The following SPATA6L variants were observed in gnomAD, a reference collection of about 807,000 sequenced individuals.
The protein encoded by SPATA6L is spermatogenesis associated 6 like, also known as spermatogenesis associated 6-like protein.
A neutral mutation model predicts 49.2 loss-of-function variants in SPATA6L; 68 were observed. That is an observed-to-expected ratio of 1.38 (90% CI 1.14 to 1.69). SPATA6L has a LOEUF of 1.69. SPATA6L is among the 40% of genes most tolerant of loss of function. SPATA6L has a pLI of 0.00. For missense variants in SPATA6L, 668 were observed against 464.3 expected (o/e 1.44, Z -4.03); for synonymous variants, 198 against 165.7 (o/e 1.19, Z -1.50).
chr9:4,596,918 G>A (rs998711446), downstream of SPATA6L, among the ~76,000 whole-genome samples: 1 of 152,074 alleles, frequency 6.6e-6, no homozygotes, highest in Non-Finnish European at 1.5e-5. Context: ...AGAAATAGGG[G>A]GAGCAATGCT....
intron 3 of SPATA6L, among the ~76,000 whole-genome samples, chr9:4,652,241 A>G (rs534207177): frequency 2.0e-5 from 3 of 152,092 alleles, no homozygotes; most frequent in African/African-American, 7.2e-5. Flanking sequence ...ACAAACATGG[A>G]GAAACCCCGT....
At chr9:4,620,525 A>G (rs987154433) in intron 7 of SPATA6L, among the ~76,000 whole-genome samples, 1 of 152,248 alleles carries the variant, frequency 6.6e-6, no homozygotes, top group Non-Finnish European at 1.5e-5. Context: ...TCAACTGCAC[A>G]TTCAGGTTTG....
At chr9:4,643,592 G>A (rs1834544710) in intron 3 of SPATA6L, among the ~76,000 whole-genome samples, 1 of 152,108 alleles carries the variant, frequency 6.6e-6, no homozygotes, top group Non-Finnish European at 1.5e-5. Flanking sequence ...AAAATGACAA[G>A]TAAACTACAG....
At chr9:4,610,170 T>C (rs1826331176) in intron 9 of SPATA6L, among the ~76,000 whole-genome samples, 1 of 151,910 alleles carries the variant, frequency 6.6e-6, no homozygotes, top group Non-Finnish European at 1.5e-5. Flanking sequence ...TGGAAGAACA[T>C]TCCATGCTCA....
chr9:4,652,817 G>C (rs191764521), intron 3 of SPATA6L, among the ~76,000 whole-genome samples: 1 of 147,206 alleles, frequency 6.8e-6, no homozygotes, highest in African/African-American at 2.5e-5. Flanking sequence ...CTCCAGCCTA[G>C]GCAACAAGAG....
At chr9:4,636,911 C>T (rs937287516) in intron 3 of SPATA6L, among the ~76,000 whole-genome samples, 2 of 152,176 alleles carry the variant, frequency 1.3e-5, no homozygotes, top group African/African-American at 2.4e-5. Flanking sequence ...GCATGCTCTC[C>T]TGCATTACTG....
At chr9:4,658,950 CAA>C (rs34665368) in intron 2 of SPATA6L, among the ~76,000 whole-genome samples, 4,716 of 94,644 alleles carry the variant, frequency 0.05, 136 homozygotes, top group African/African-American at 0.11. Flanking sequence ...ACTCTGTCTC[CAA>C]AAAAAAAAAA....
chr9:4,618,997 C>T (rs555855916), intron 7 of SPATA6L, 99 bp from the exon 8 acceptor site: 2 of 1,078,760 alleles, frequency 1.9e-6, no homozygotes, highest in South Asian at 2.9e-5. Context: ...AAATTTTAGA[C>T]AATGAATTAA....
At chr9:4,647,445 A>G (rs1021598059) in intron 3 of SPATA6L, among the ~76,000 whole-genome samples, 9 of 152,088 alleles carry the variant, frequency 5.9e-5, no homozygotes, top group Non-Finnish European at 1.0e-4. Flanking sequence ...TACAAAAATT[A>G]GCCAGGCATG....
At chr9:4,593,451 A>C (rs1268298867), downstream of SPATA6L, among the ~76,000 whole-genome samples, 6 of 152,146 alleles carry the variant, frequency 3.9e-5, no homozygotes, top group Admixed American at 3.9e-4. Context: ...ACTCTCCCCA[A>C]AATCCCTTTC....
intron 3 of SPATA6L, among the ~76,000 whole-genome samples, chr9:4,647,098 G>C (rs145297900): frequency 6.0e-5 from 9 of 149,900 alleles, no homozygotes; most frequent in Admixed American, 6.0e-4. Context: ...CTCCTGAAAA[G>C]TATTGAAAAA....
chr9:4,663,433 C>G (rs932551259), intron 1 of SPATA6L: 8 of 711,746 alleles, frequency 1.1e-5, no homozygotes, highest in Non-Finnish European at 1.9e-5. Context: ...ACACACTGGC[C>G]ATTACTGAAC....
chr9:4,644,101 C>G (rs189786971), intron 3 of SPATA6L, among the ~76,000 whole-genome samples: 33 of 147,184 alleles, frequency 2.2e-4, no homozygotes, highest in Admixed American at 2.2e-3. Flanking sequence ...AAACCCAGCA[C>G]TTTGGGTGGC....
intron 3 of SPATA6L, among the ~76,000 whole-genome samples, chr9:4,641,407 A>C (rs768058774): frequency 1.5e-4 from 23 of 152,180 alleles, no homozygotes; most frequent in Non-Finnish European, 2.9e-4. Context: ...TAAAACATTA[A>C]AAATAAGAAA....
chr9:4,663,157 T>C, intron 1 of SPATA6L: 1 of 1,614,158 alleles, frequency 6.2e-7, no homozygotes, highest in South Asian at 1.1e-5. Context: ...GTCACCGACG[T>C]AGCTTTTGGC....
chr9:4,629,215 CT>C, intron 4 of SPATA6L, 47 bp from the exon 5 acceptor site: 1 of 1,305,106 alleles, frequency 7.7e-7, no homozygotes, highest in Non-Finnish European at 1.1e-6. Context: ...AGAAACAGTT[CT>C]TTAGCCATCT....
At chr9:4,659,018 T>G (rs1838974911) in intron 2 of SPATA6L, among the ~76,000 whole-genome samples, 1 of 151,810 alleles carries the variant, frequency 6.6e-6, no homozygotes. Context: ...AGAAAATTAT[T>G]GGGATGGGGG....
At chr9:4,626,429 C>T (rs779196812) in intron 5 of SPATA6L, 16 of 1,304,004 alleles carry the variant, frequency 1.2e-5, no homozygotes, top group African/African-American at 3.0e-5. Flanking sequence ...GTCCCACCTT[C>T]GAATTCCTGA....
At chr9:4,617,030 T>C (rs928145266) in intron 9 of SPATA6L, among the ~76,000 whole-genome samples, 1 of 152,234 alleles carries the variant, frequency 6.6e-6, no homozygotes, top group African/African-American at 2.4e-5. Context: ...TATAGAGTTA[T>C]TATGTCATTT....
Sources: gnomAD v4.1 joint callset for allele counts (sites outside exome capture counted in the v4.1 genomes callset) on GRCh38, gnomAD v4.1.1 for gene constraint, MANE v1.5 for transcripts, NCBI Gene and HGNC (gene_info 2026-07-23, HGNC 2026-07-21) for gene names.